The following CYP19A1 variants were observed in gnomAD, a reference collection of about 807,000 sequenced individuals.
The protein encoded by CYP19A1 is cytochrome P450 family 19 subfamily A member 1.
CYP19A1 carries 32 observed loss-of-function variants against 44.4 expected under a neutral mutation model. That is an observed-to-expected ratio of 0.72 (90% CI 0.54 to 0.97). The LOEUF (loss-of-function observed/expected upper bound fraction) is 0.97, where lower values mean the gene tolerates loss of function less well. Ranked by LOEUF, CYP19A1 falls within the 50% of genes least tolerant of loss-of-function variation. The pLI is 0.00. For synonymous variants in CYP19A1, 212 were observed against 215.6 expected (o/e 0.98, Z 0.14); for missense variants, 598 against 637.8 (o/e 0.94, Z 0.67).
At chr15:51,230,439 A>G (rs1017713969) in intron 3 of CYP19A1, among the ~76,000 whole-genome samples, 2 of 152,182 alleles carry the variant, frequency 1.3e-5, no homozygotes, top group Non-Finnish European at 2.9e-5. Context: ...ATGATTGAAG[A>G]TAAAAGACAT....
At chr15:51,253,256 C>A (rs1335524620) in intron 1 of CYP19A1, among the ~76,000 whole-genome samples, 1 of 152,162 alleles carries the variant, frequency 6.6e-6, no homozygotes, top group Non-Finnish European at 1.5e-5. Context: ...AGCAAAACCT[C>A]AATAAACTTA....
chr15:51,323,842 T>C (rs2036566728), intron 1 of CYP19A1: 1 of 152,150 alleles, frequency 6.6e-6, no homozygotes, highest in South Asian at 2.1e-4. Flanking sequence ...TGTTGCTTTG[T>C]GTGTGCGGAT....
intron 1 of CYP19A1, among the ~76,000 whole-genome samples, chr15:51,270,632 T>A (rs1028263854): frequency 6.6e-6 from 1 of 152,208 alleles, no homozygotes. Flanking sequence ...GAAACCACTG[T>A]GTGAGATAAG....
intron 2 of CYP19A1, among the ~76,000 whole-genome samples, chr15:51,237,559 T>G (rs2033485366): frequency 6.6e-6 from 1 of 152,208 alleles, no homozygotes; most frequent in South Asian, 2.1e-4. Context: ...TCTATTTCTT[T>G]TGTTACCCTC....
At chr15:51,246,508 C>T (rs1348423631) in intron 1 of CYP19A1, among the ~76,000 whole-genome samples, 11 of 152,212 alleles carry the variant, frequency 7.2e-5, no homozygotes, top group African/African-American at 1.9e-4. Context: ...CTTCATTCAA[C>T]GCCCCACCAA....
At chr15:51,274,003 TCACA>T (rs34082137) in intron 1 of CYP19A1, among the ~76,000 whole-genome samples, 92,893 of 149,846 alleles carry the variant, frequency 0.62, 29,521 homozygotes, top group African/African-American at 0.76. Flanking sequence ...TGAAATTTTG[TCACA>T]CACACACACA....
chr15:51,230,911 T>C (rs1338616857), intron 3 of CYP19A1, among the ~76,000 whole-genome samples: 1 of 152,178 alleles, frequency 6.6e-6, no homozygotes, highest in Non-Finnish European at 1.5e-5. Context: ...TGTGAGCCAC[T>C]GCACCCGGCT....
chr15:51,219,424 C>G (rs1051454004), intron 5 of CYP19A1, among the ~76,000 whole-genome samples: 2 of 152,198 alleles, frequency 1.3e-5, no homozygotes, highest in African/African-American at 4.8e-5. Flanking sequence ...AGTCACCATG[C>G]TAGGCACTTT....
intron 8 of CYP19A1, 96 bp downstream of exon 8, chr15:51,214,974 A>C: frequency 6.6e-7 from 1 of 1,523,896 alleles, no homozygotes; most frequent in Non-Finnish European, 8.8e-7. Flanking sequence ...AAATTATAAA[A>C]AATTTCATGT....
At chr15:51,317,440 A>G (rs930389655) in intron 1 of CYP19A1, among the ~76,000 whole-genome samples, 8 of 152,158 alleles carry the variant, frequency 5.3e-5, no homozygotes, top group Non-Finnish European at 1.2e-4. Flanking sequence ...TGCTAAATAA[A>G]TATTATTTTT....
chr15:51,224,605 T>C (rs1016565839), intron 4 of CYP19A1, among the ~76,000 whole-genome samples: 1 of 152,248 alleles, frequency 6.6e-6, no homozygotes, highest in African/African-American at 2.4e-5. Flanking sequence ...CCCTCCACCC[T>C]TCCTGCATCA....
At chr15:51,223,593 T>TCTCTCTCA (rs1356666512) in intron 4 of CYP19A1, among the ~76,000 whole-genome samples, 67 of 90,212 alleles carry the variant, frequency 7.4e-4, no homozygotes, top group Non-Finnish European at 1.1e-3. Context: ...TCTCTCTCTC[T>TCTCTCTCA]CACACACACA....
intron 1 of CYP19A1, among the ~76,000 whole-genome samples, chr15:51,327,526 C>T (rs1296869297): frequency 6.6e-6 from 1 of 150,734 alleles, no homozygotes; most frequent in Non-Finnish European, 1.5e-5. Context: ...CAGAATCTTG[C>T]TCTGTCATAT....
intron 1 of CYP19A1, among the ~76,000 whole-genome samples, chr15:51,334,686 G>T (rs946031170): frequency 6.6e-6 from 1 of 152,212 alleles, no homozygotes; most frequent in Non-Finnish European, 1.5e-5. Flanking sequence ...AGCCTGTCAC[G>T]GTTACAATTT....
At position 51,215,909 on chromosome 15, in the gene CYP19A1, T is replaced by A. The variant is rs35145913; in HGVS notation, c.744-92A>T. On this transcript the variant is annotated intron_variant, in intron 6 of 9. Transcript: ENST00000396402. ...TGCCATGTATTTAGGTAAAATGATC[T>A]GCTTTAATTGAAAACATTGGTGCTT... is the stretch of plus-strand genomic sequence containing the variant. 1.2e-4 allele frequency: 191 copies of A among 1,587,752 alleles called. No individual in the cohort carries two copies. The African/African-American group carries it at 2.2e-3, about 18-fold the overall frequency.
In CYP19A1 at chr15:51,227,842, T is replaced by C; in HGVS notation, c.388A>G (p.Lys130Glu). The change falls in exon 4 of 10, where the codon AAA becomes GAA. Residue 130 changes from lysine (K) to glutamate (E), a missense_variant. Coordinates refer to ENST00000396402, the MANE Select transcript of CYP19A1 (RefSeq NM_000103.4). ...LGLQCIGMHE[K>E]GIIFNNNPEL... Reference sequence around the variant, plus strand: ...GGATTGTTGTTAAATATGATGCCTTTCTCATGCATACCGATGCACTGCAGC... The same window carrying C: ...GGATTGTTGTTAAATATGATGCCTTCCTCATGCATACCGATGCACTGCAGC... 1 of 1,531,354 alleles carries C rather than the reference T, an allele frequency of 6.5e-7. No homozygotes were observed. The highest frequency in any genetic ancestry group is 2.2e-5 in the East Asian group (1 of 44,500). 94.9% of individuals were successfully genotyped at this position (1,531,354 alleles called of 1,614,324 possible). A position where few individuals can be genotyped will look rare whatever the true frequency, so the allele number is the denominator to read the frequency against.
chr15:51,215,936 T>C, intron 6 of CYP19A1, 119 bp from the exon 7 acceptor site: 2 of 1,526,818 alleles, frequency 1.3e-6, no homozygotes, highest in Non-Finnish European at 1.8e-6. Context: ...TTGGTGCTTA[T>C]GAGTAAGTGA....
At chr15:51,326,669 T>G (rs1242652547) in intron 1 of CYP19A1, among the ~76,000 whole-genome samples, 3 of 152,240 alleles carry the variant, frequency 2.0e-5, no homozygotes, top group Non-Finnish European at 4.4e-5. Flanking sequence ...AAAATGTTCT[T>G]TTTTAAATTC....
chr15:51,224,195 T>G (rs1457467997), intron 4 of CYP19A1, among the ~76,000 whole-genome samples: 1 of 152,152 alleles, frequency 6.6e-6, no homozygotes, highest in Non-Finnish European at 1.5e-5. Flanking sequence ...ATTGCCTAAG[T>G]TGCACTTAAC....
Sources: gnomAD v4.1 joint callset for allele counts (sites outside exome capture counted in the v4.1 genomes callset) on GRCh38, gnomAD v4.1.1 for gene constraint, MANE v1.5 for transcripts, NCBI Gene and HGNC (gene_info 2026-07-23, HGNC 2026-07-21) for gene names.